Variants in RAB38 observed in about 807,000 individuals in gnomAD.
The protein encoded by RAB38 is ras-related protein Rab-38.
Under a neutral mutation model 18.4 loss-of-function variants are expected in RAB38, and 15 were observed. The ratio of observed to expected loss-of-function variants is 0.82; its 90% CI spans 0.55 to 1.26. RAB38 has a LOEUF of 1.26. RAB38 is among the 50% of genes most tolerant of loss of function. The probability of loss-of-function intolerance (pLI) is 0.00; values close to 1 mark genes in which losing one functional copy is unlikely to be tolerated. For missense variants in RAB38, 294 were observed against 267.4 expected (o/e 1.10, Z -0.69); for synonymous variants, 101 against 104.4 (o/e 0.97, Z 0.20).
chr11:88,032,632 G>A, the RAB38 span, among the ~76,000 whole-genome samples: 5,721 of 151,864 alleles, frequency 0.038, 134 homozygotes, highest in Middle Eastern at 0.068. Flanking sequence ...AAAAACGCTC[G>A]CCATCACTGG....
At chr11:88,167,729 C>G (rs1053576550) in intron 1 of RAB38, 2 of 152,174 alleles carry the variant, frequency 1.3e-5, no homozygotes, top group Middle Eastern at 3.4e-3. Context: ...AATTCCTGAA[C>G]AGCTGAAAAA....
chr11:88,036,435 C>T, the RAB38 span, among the ~76,000 whole-genome samples: 1 of 152,052 alleles, frequency 6.6e-6, no homozygotes, highest in Non-Finnish European at 1.5e-5. Flanking sequence ...AATACAATAC[C>T]ATAGCATTTG....
At chr11:87,977,024 A>G in the RAB38 span, among the ~76,000 whole-genome samples, 2 of 10,122 alleles carry the variant, frequency 2.0e-4, no homozygotes, top group Non-Finnish European at 3.5e-4. Context: ...TAATTACATT[A>G]TACAAGTATA....
the RAB38 span, among the ~76,000 whole-genome samples, chr11:87,932,454 G>A: frequency 6.6e-6 from 1 of 151,954 alleles, no homozygotes; most frequent in Non-Finnish European, 1.5e-5. Flanking sequence ...TGGGTAGCAT[G>A]GTGACTCTGC....
rs1591170824 is a variant in RAB38 at position 88,149,659 on chromosome 11, T to C, written c.483+16A>G. 2 of 1,595,538 alleles carry C rather than the reference T, an allele frequency of 1.3e-6. No homozygotes were observed. Among genetic ancestry groups the C allele is most frequent in the East Asian group, 2.2e-5 (1 of 44,574 alleles). ...AACCTTGCTTATATTAAGCTTATTATTTAAAGTCACATTACCTTTGCTGAT... is the reference window on the plus strand; with the variant it reads ...AACCTTGCTTATATTAAGCTTATTACTTAAAGTCACATTACCTTTGCTGAT... On this transcript the variant is annotated intron_variant, in intron 2 of 2. Coordinates refer to ENST00000243662, the MANE Select transcript of RAB38 (RefSeq NM_022337.3).
chr11:87,941,237 A>ATATATATATG, the RAB38 span, among the ~76,000 whole-genome samples: 22 of 123,628 alleles, frequency 1.8e-4, no homozygotes, highest in Non-Finnish European at 3.5e-4. Flanking sequence ...ATATATATAT[A>ATATATATATG]TATATATATG....
chr11:87,856,057 T>C, the RAB38 span, among the ~76,000 whole-genome samples: 1 of 152,156 alleles, frequency 6.6e-6, no homozygotes, highest in Non-Finnish European at 1.5e-5. Context: ...ATTTCAAACT[T>C]AAAACAATTA....
the RAB38 span, among the ~76,000 whole-genome samples, chr11:87,853,769 A>G: frequency 1.3e-5 from 2 of 152,354 alleles, no homozygotes; most frequent in Admixed American, 6.5e-5. Flanking sequence ...ACAAATCACC[A>G]TAAACTTAAT....
chr11:87,849,115 T>C, the RAB38 span, among the ~76,000 whole-genome samples: 176 of 152,212 alleles, frequency 1.2e-3, no homozygotes, highest in Non-Finnish European at 2.0e-3. Flanking sequence ...TAAACATGAC[T>C]TTCGCCACCA....
At chr11:87,935,421 A>T in the RAB38 span, among the ~76,000 whole-genome samples, 3 of 152,068 alleles carry the variant, frequency 2.0e-5, no homozygotes, top group Non-Finnish European at 4.4e-5. Flanking sequence ...ATTTCAGACC[A>T]TGCCCTTCAG....
the RAB38 span, chr11:87,816,437 A>G: frequency 2.6e-5 from 4 of 152,374 alleles, no homozygotes; most frequent in Non-Finnish European, 5.9e-5. Flanking sequence ...GGCAATGGCT[A>G]TTAAGGAATA....
the RAB38 span, among the ~76,000 whole-genome samples, chr11:87,882,105 C>T: frequency 1.3e-5 from 2 of 151,954 alleles, no homozygotes; most frequent in Middle Eastern, 3.4e-3. Context: ...TAAAAATATC[C>T]TTGGTTTTCT....
At chr11:87,840,497 A>T in the RAB38 span, among the ~76,000 whole-genome samples, 3 of 152,334 alleles carry the variant, frequency 2.0e-5, no homozygotes, top group South Asian at 6.2e-4. Context: ...CATCCAGGGT[A>T]ACACAGGTCC....
the RAB38 span, among the ~76,000 whole-genome samples, chr11:87,958,449 A>G: frequency 6.6e-6 from 1 of 152,130 alleles, no homozygotes; most frequent in African/African-American, 2.4e-5. Flanking sequence ...TCCTTTCTTC[A>G]TACCTATCTT....
the RAB38 span, among the ~76,000 whole-genome samples, chr11:87,959,951 GTT>G: frequency 6.6e-6 from 1 of 152,060 alleles, no homozygotes; most frequent in Non-Finnish European, 1.5e-5. Context: ...TCAAATCACT[GTT>G]TTTTGGGTTT....
In RAB38 at chr11:88,144,446, G is replaced by A. The variant is rs969744297; in HGVS notation, c.483+5229C>T. On this transcript the variant is annotated intron_variant, in intron 2 of 2. Coordinates refer to ENST00000243662, the MANE Select transcript of RAB38 (RefSeq NM_022337.3). ...AGCTTCCTACGGCTGGAAATTCCCC[G>A]AAGATAGCAAATGTATTTAACAGTT... Among the ~76,000 whole-genome samples, 6 of 152,242 alleles carry A rather than the reference G, an allele frequency of 3.9e-5. No individual in the cohort carries two copies. In the East Asian group the frequency reaches 5.8e-4, roughly 15 times the overall value.
chr11:87,845,405 AAAG>A, the RAB38 span, among the ~76,000 whole-genome samples: 1 of 152,176 alleles, frequency 6.6e-6, no homozygotes, highest in Non-Finnish European at 1.5e-5. Flanking sequence ...TAAAAACAAT[AAAG>A]AACTAAATTA....
chr11:88,068,094 C>A, the RAB38 span, among the ~76,000 whole-genome samples: 1 of 151,246 alleles, frequency 6.6e-6, no homozygotes, highest in South Asian at 2.1e-4. Context: ...AAACACTCCT[C>A]GAAAAGACCT....
chr11:87,912,540 A>G, the RAB38 span, among the ~76,000 whole-genome samples: 1 of 151,740 alleles, frequency 6.6e-6, no homozygotes, highest in African/African-American at 2.4e-5. Flanking sequence ...TGTAGTTGTC[A>G]CTTATTTTAT....
Sources: allele counts gnomAD v4.1 joint callset (sites outside exome capture counted in the v4.1 genomes callset), GRCh38; gene constraint gnomAD v4.1.1; transcripts MANE v1.5; gene names NCBI Gene and HGNC (gene_info 2026-07-23, HGNC 2026-07-21).